The following PRIM2 variants were observed in gnomAD, a reference collection of about 807,000 sequenced individuals.
The protein encoded by PRIM2 is DNA primase large subunit.
Under a neutral mutation model 67.3 loss-of-function variants are expected in PRIM2, and 39 were observed. The ratio of observed to expected loss-of-function variants is 0.58; its 90% CI spans 0.45 to 0.76. PRIM2 has a LOEUF of 0.76. PRIM2 is among the 30% of genes least tolerant of loss of function. The pLI is 0.00. For synonymous variants in PRIM2, 143 were observed against 198.7 expected, an observed-to-expected ratio of 0.72 and a Z score of 2.36; for missense variants, 398 against 598.7, an observed-to-expected ratio of 0.66 and a Z score of 3.50.
chr6:57,456,894 C>T (rs1346224635), intron 7 of PRIM2, among the ~76,000 whole-genome samples: 1 of 152,130 alleles, frequency 6.6e-6, no homozygotes, highest in Non-Finnish European at 1.5e-5. Context: ...TTTTTCTGCT[C>T]TGTTTTTTCC....
At chr6:57,367,584 G>A (rs1769402455) in intron 5 of PRIM2, among the ~76,000 whole-genome samples, 4 of 152,162 alleles carry the variant, frequency 2.6e-5, no homozygotes, top group African/African-American at 9.7e-5. Flanking sequence ...TCGAGGGTTA[G>A]GGATTCAGAA....
At chr6:57,478,438 TC>T (rs1169926801) in intron 7 of PRIM2, among the ~76,000 whole-genome samples, 5 of 151,746 alleles carry the variant, frequency 3.3e-5, no homozygotes, top group Admixed American at 1.3e-4. Flanking sequence ...ACTCCTGTGC[TC>T]AAGTCTTCCT....
chr6:57,391,831 C>G, intron 7 of PRIM2, among the ~76,000 whole-genome samples: 1 of 152,032 alleles, frequency 6.6e-6, no homozygotes, highest in Non-Finnish European at 1.5e-5. Flanking sequence ...TTAGGATTGC[C>G]TTGGCTATTC....
chr6:57,537,251 A>C (rs1775019929), intron 9 of PRIM2, among the ~76,000 whole-genome samples, 189 bp from the exon 10 acceptor site: 1 of 152,186 alleles, frequency 6.6e-6, no homozygotes, highest in Admixed American at 6.5e-5. Context: ...ACTTGTAACC[A>C]GTAAAAAATG....
rs1156398291 is a variant in PRIM2, at chr6:57,582,779, T to TTTA, written c.1021-18291_1021-18289dup. Among the ~76,000 whole-genome samples the TTTA allele has an allele frequency of 3.5e-3, 518 of 147,316 alleles. 2 individuals are homozygous for TTTA. The highest frequency in any genetic ancestry group is 0.012 in the South Asian group (54 of 4,672). ...CCATTTATAATTTTATAATATTTTC[T>TTTA]TTATTATTATTATTATTATTATTAT... is the stretch of plus-strand genomic sequence containing the variant. On this transcript the variant is annotated intron_variant, in intron 10 of 13. Transcript: ENST00000615550.
chr6:57,507,596 T>G lies in PRIM2; in HGVS notation c.761+142T>G, dbSNP rs1581959796. ...TTTCATTCCATTATTCAAATTGAAG[T>G]TCTTAATACCATGTACTTGTTACCC... On this transcript the variant is annotated intron_variant, in intron 8 of 13. Coordinates refer to ENST00000615550, the MANE Select transcript of PRIM2 (RefSeq NM_000947.5). 6.8e-6 allele frequency: 7 copies of G among 1,032,812 alleles called. No individual in the cohort carries two copies. In the East Asian group the frequency reaches 1.8e-4, roughly 27 times the overall value. 64.0% of individuals were successfully genotyped at this position (1,032,812 alleles called of 1,614,324 possible).
At chr6:57,633,213 TAG>T (rs2127499699) in intron 13 of PRIM2, among the ~76,000 whole-genome samples, 1 of 152,226 alleles carries the variant, frequency 6.6e-6, no homozygotes, top group East Asian at 1.9e-4. Flanking sequence ...CTCTGGCCCC[TAG>T]TTTGCATCCA....
At chr6:57,514,072 A>T (rs1327116987) in intron 8 of PRIM2, among the ~76,000 whole-genome samples, 2 of 152,316 alleles carry the variant, frequency 1.3e-5, no homozygotes, top group Admixed American at 6.5e-5. Context: ...GCAGATGTTT[A>T]TACAAACCGT....
rs564288842 is a variant in PRIM2 at position 57,421,868 on chromosome 6, T to C, written c.693+39700T>C. 2.0e-5 allele frequency among the ~76,000 whole-genome samples: 3 copies of C among 152,314 alleles called. No homozygotes were observed. In the South Asian group the frequency reaches 6.2e-4, roughly 32 times the overall value. ...TGATATTCTGATAGAATTTATCTGC[T>C]GAAAATCAAAGTCTGTGCTCCTTGA... On this transcript the variant is annotated intron_variant, in intron 7 of 13. Transcript: ENST00000615550.
At chr6:57,292,451 C>T in the PRIM2 span, among the ~76,000 whole-genome samples, 1 of 152,094 alleles carries the variant, frequency 6.6e-6, no homozygotes, top group Admixed American at 6.5e-5. Flanking sequence ...AATGCCATCC[C>T]CATCAAGCTA....
intron 2 of PRIM2, among the ~76,000 whole-genome samples, chr6:57,319,314 C>T (rs568205253): frequency 2.6e-5 from 4 of 152,268 alleles, no homozygotes; most frequent in South Asian, 2.1e-4. Context: ...ATGGGCTAGA[C>T]ATGAATTGAA....
At chr6:57,486,653 C>T (rs1431167001) in intron 7 of PRIM2, among the ~76,000 whole-genome samples, 1 of 152,146 alleles carries the variant, frequency 6.6e-6, no homozygotes, top group African/African-American at 2.4e-5. Flanking sequence ...ATGTTCAACT[C>T]CCCCAACAGT....
At chr6:57,609,066 A>G (rs1345780406) in intron 12 of PRIM2, among the ~76,000 whole-genome samples, 1,928 of 152,292 alleles carry the variant, frequency 0.013, 40 homozygotes, top group African/African-American at 0.043. Flanking sequence ...TTTCTGTCTC[A>G]TAGTAATCCA....
At chr6:57,459,873 C>T (rs1474290240) in intron 7 of PRIM2, among the ~76,000 whole-genome samples, 1 of 152,148 alleles carries the variant, frequency 6.6e-6, no homozygotes, top group East Asian at 1.9e-4. Context: ...TAGTATTTGA[C>T]CAACTAACTA....
intron 8 of PRIM2, among the ~76,000 whole-genome samples, chr6:57,517,715 C>A (rs1376046302): frequency 6.6e-6 from 1 of 152,054 alleles, no homozygotes; most frequent in African/African-American, 2.4e-5. Flanking sequence ...ATGTATGGAG[C>A]TGTTATAAGC....
At chr6:57,523,874 A>G (rs1275940725) in intron 8 of PRIM2, among the ~76,000 whole-genome samples, 1 of 152,182 alleles carries the variant, frequency 6.6e-6, no homozygotes, top group Non-Finnish European at 1.5e-5. Context: ...GGTACATTGA[A>G]CAGGACTTAA....
At chr6:57,327,071 T>G (rs1022227012) in intron 5 of PRIM2, among the ~76,000 whole-genome samples, 4 of 151,838 alleles carry the variant, frequency 2.6e-5, no homozygotes, top group African/African-American at 4.8e-5. Flanking sequence ...GCCTGGCTAA[T>G]TTTTGTATTT....
At chr6:57,617,533 CT>C (rs1776777007) in intron 12 of PRIM2, among the ~76,000 whole-genome samples, 2 of 152,104 alleles carry the variant, frequency 1.3e-5, no homozygotes, top group Non-Finnish European at 2.9e-5. Context: ...TTTTTATATG[CT>C]TTTTGGCCAT....
intron 7 of PRIM2, among the ~76,000 whole-genome samples, chr6:57,399,305 C>T (rs1411561156): frequency 2.6e-5 from 4 of 152,086 alleles, no homozygotes; most frequent in African/African-American, 9.7e-5. Context: ...GTTTTCTGGC[C>T]TTGCGATAGT....
Sources: allele counts gnomAD v4.1 joint callset (sites outside exome capture counted in the v4.1 genomes callset), GRCh38; gene constraint gnomAD v4.1.1; transcripts MANE v1.5; gene names NCBI Gene and HGNC (gene_info 2026-07-23, HGNC 2026-07-21).